The following LRIG1 variants were observed in gnomAD, a reference collection of about 807,000 sequenced individuals.
LRIG1 encodes the protein leucine-rich repeats and immunoglobulin-like domains protein 1.
LRIG1 carries 48 observed loss-of-function variants against 99.2 expected under a neutral mutation model. The observed-to-expected ratio is 0.48, with a 90% confidence interval of 0.38 to 0.62. The LOEUF is 0.62. Ranked by LOEUF, LRIG1 falls within the 20% of genes least tolerant of loss-of-function variation. The pLI, the probability that LRIG1 is intolerant of heterozygous loss-of-function variation, is 0.00. For synonymous variants in LRIG1, 772 were observed against 596.1 expected (o/e 1.29, Z -4.30); for missense variants, 1,646 against 1,434.4 (o/e 1.15, Z -2.38).
chr3:66,410,005 G>C (rs904976623), intron 7 of LRIG1, 124 bp downstream of exon 7: 9 of 1,012,438 alleles, frequency 8.9e-6, no homozygotes, highest in Non-Finnish European at 1.3e-5. Flanking sequence ...TTGGGAACAG[G>C]GCTACTGGCC....
chr3:66,490,996 T>C (rs896244961), intron 1 of LRIG1, among the ~76,000 whole-genome samples: 5 of 152,220 alleles, frequency 3.3e-5, no homozygotes, highest in South Asian at 2.1e-4. Context: ...AATTAAACTA[T>C]GGACTTTTAT....
chr3:66,474,279 T>A (rs1003845074), intron 1 of LRIG1, among the ~76,000 whole-genome samples: 1 of 152,212 alleles, frequency 6.6e-6, no homozygotes, highest in African/African-American at 2.4e-5. Context: ...TTTATTTCTT[T>A]TTTTTAAATC....
chr3:66,493,695 C>A (rs547660884), intron 1 of LRIG1, among the ~76,000 whole-genome samples: 1 of 152,164 alleles, frequency 6.6e-6, no homozygotes, highest in Admixed American at 6.5e-5. Context: ...ACTCAGGCAA[C>A]TGAGATGGGA....
At chr3:66,432,632 C>T (rs1352970006) in intron 3 of LRIG1, among the ~76,000 whole-genome samples, 1 of 152,182 alleles carries the variant, frequency 6.6e-6, no homozygotes, top group African/African-American at 2.4e-5. Context: ...CTGAAGGTTA[C>T]ACAGCAGTAA....
chr3:66,381,515 C>A lies in LRIG1; in HGVS notation c.2734G>T (p.Glu912Ter). The A allele has an allele frequency of 6.2e-7, 1 of 1,614,050 alleles. No homozygotes were observed. The highest frequency in any genetic ancestry group is 8.5e-7 in the Non-Finnish European group (1 of 1,179,918). The change falls in exon 17 of 19, where the codon GAG becomes TAG. Residue 912 changes from glutamate (E) to a stop codon, truncating the protein, a stop_gained. Transcript: ENST00000273261. LOFTEE classifies it high-confidence loss of function. Reference protein sequence around the residue: ...AYHKEPWKAMEKAEGTPGPHK... With the variant: ...AYHKEPWKAM ...GGCCCAGGTGTCCCTTCAGCTTTCT[C>A]CATCGCTTTCCACGGCTCTTTGTGA...
chr3:66,383,351 C>G lies in LRIG1; in HGVS notation c.2122G>C (p.Glu708Gln). The part of the protein sequence containing the change: ...PLEDRVVSVG[E>Q]TVALQCKATG... ...GCTTTGCATTGGAGGGCCACTGTTT[C>G]TCCCACAGATACCACACGGTCTTCC... The change falls in exon 15 of 19, where the codon GAA (glutamate) becomes CAA (glutamine). Residue 708 changes from glutamate (E) to glutamine (Q), a missense_variant. Glu to Gln is a conservative substitution (Grantham distance 29, BLOSUM62 2). Transcript: ENST00000273261. The G allele has an allele frequency of 6.3e-7, 1 of 1,590,302 alleles. No homozygotes were observed. Among genetic ancestry groups the G allele is most frequent in the Non-Finnish European group, 8.6e-7 (1 of 1,163,666 alleles).
At position 66,394,145 on chromosome 3, in the gene LRIG1, G is replaced by C; in HGVS notation, c.1363C>G (p.Leu455Val). 6.2e-7 allele frequency: 1 copy of C among 1,611,544 alleles called. No homozygotes were observed. Among genetic ancestry groups the C allele is most frequent in the Non-Finnish European group, 8.5e-7 (1 of 1,179,110 alleles). Reference protein sequence around the residue: ...DCQLKWLPPWLIGRMLQAFVT... With the variant: ...DCQLKWLPPWVIGRMLQAFVT... ...AAGGCCTGCAGCATCCTGCCAATTA[G>C]CCACGGGGGCAGCCACTTCAGCTGG... Residue 455 changes from leucine (L) to valine (V), a missense_variant, in exon 12 of 19, where the codon CTA (leucine) becomes GTA (valine). Transcript: ENST00000273261.
intron 1 of LRIG1, among the ~76,000 whole-genome samples, chr3:66,494,823 T>C (rs1701191794): frequency 2.6e-5 from 4 of 152,222 alleles, no homozygotes; most frequent in Non-Finnish European, 4.4e-5. Context: ...ATTGATCCAT[T>C]CATTTTGCTT....
At chr3:66,422,930 G>A (rs1702866297) in intron 3 of LRIG1, among the ~76,000 whole-genome samples, 1 of 152,196 alleles carries the variant, frequency 6.6e-6, no homozygotes. Context: ...CAAAAAGAGA[G>A]TTTGTGCAGG....
rs566150935 is a variant in LRIG1, at chr3:66,454,709, C to T, written c.291-3076G>A. Among the ~76,000 whole-genome samples the T allele has an allele frequency of 3.3e-5, 5 of 152,164 alleles. No homozygotes were observed. The East Asian group carries it at 9.6e-4, about 29-fold the overall frequency. Reference sequence around the variant, plus strand: ...AGGTGTAGCTAAGGTAAAAGGATTCCGGACCCCAGGGCAGAACCTAGGGGT... The same window carrying T: ...AGGTGTAGCTAAGGTAAAAGGATTCTGGACCCCAGGGCAGAACCTAGGGGT... On this transcript the variant is annotated intron_variant, in intron 2 of 18. Coordinates refer to ENST00000273261, the MANE Select transcript of LRIG1 (RefSeq NM_015541.3).
At chr3:66,416,704 C>T (rs1226742261) in intron 4 of LRIG1, among the ~76,000 whole-genome samples, 1 of 152,188 alleles carries the variant, frequency 6.6e-6, no homozygotes, top group Non-Finnish European at 1.5e-5. Context: ...GAAAGATAAG[C>T]ACTGATAAGC....
intron 1 of LRIG1, among the ~76,000 whole-genome samples, chr3:66,499,507 G>A (rs1480506458): frequency 6.6e-6 from 1 of 152,134 alleles, no homozygotes; most frequent in Non-Finnish European, 1.5e-5. Flanking sequence ...TGCCAAACAG[G>A]CGTAAAAGGA....
intron 1 of LRIG1, among the ~76,000 whole-genome samples, chr3:66,488,345 G>A (rs753780674): frequency 9.9e-5 from 15 of 151,906 alleles, no homozygotes; most frequent in African/African-American, 1.5e-4. Context: ...AGCCACAGCC[G>A]GGCGTGGTGG....
intron 12 of LRIG1, among the ~76,000 whole-genome samples, chr3:66,391,708 T>G (rs1335600164): frequency 1.3e-5 from 2 of 152,214 alleles, no homozygotes; most frequent in African/African-American, 4.8e-5. Flanking sequence ...GTTACACAGT[T>G]GTGACTATTA....
At chr3:66,381,048 G>A (rs570854997) in intron 17 of LRIG1, 187 bp from the exon 18 acceptor site, 26 of 620,732 alleles carry the variant, frequency 4.2e-5, no homozygotes, top group Non-Finnish European at 6.7e-5. Flanking sequence ...AGTCACTCAT[G>A]AACTGTGGGG....
intron 2 of LRIG1, among the ~76,000 whole-genome samples, chr3:66,460,703 G>A (rs752754526): frequency 8.5e-5 from 13 of 152,190 alleles, no homozygotes; most frequent in Admixed American, 4.6e-4. Flanking sequence ...CACCCAGCCT[G>A]TGCTATTTGT....
At chr3:66,499,534 A>T (rs9848259) in intron 1 of LRIG1, among the ~76,000 whole-genome samples, 1 of 152,140 alleles carries the variant, frequency 6.6e-6, no homozygotes, top group Non-Finnish European at 1.5e-5. Context: ...CCCAGCACTC[A>T]CAGGTCGCCA....
chr3:66,427,019 G>A (rs1049081172), intron 3 of LRIG1, among the ~76,000 whole-genome samples: 2 of 152,130 alleles, frequency 1.3e-5, no homozygotes, highest in African/African-American at 4.8e-5. Context: ...TCTTTGCTTC[G>A]CCTGAACCTC....
intron 1 of LRIG1, among the ~76,000 whole-genome samples, chr3:66,492,536 C>G (rs548410257): frequency 6.6e-6 from 1 of 151,912 alleles, no homozygotes. Flanking sequence ...CATTTTCTTC[C>G]CAATAATGTG....
Sources: gnomAD v4.1 joint callset for allele counts (sites outside exome capture counted in the v4.1 genomes callset) on GRCh38, gnomAD v4.1.1 for gene constraint, MANE v1.5 for transcripts, NCBI Gene and HGNC (gene_info 2026-07-23, HGNC 2026-07-21) for gene names.